The following TRPC4 variants were observed in gnomAD, a reference collection of about 807,000 sequenced individuals.
TRPC4 encodes the protein short transient receptor potential channel 4.
TRPC4 carries 49 observed loss-of-function variants against 99.4 expected under a neutral mutation model. The observed-to-expected ratio is 0.49, with a 90% CI of 0.39 to 0.63. TRPC4 has a LOEUF of 0.63. Among genes scored for constraint, TRPC4 ranks in the 20% least tolerant of loss-of-function variants. The probability of loss-of-function intolerance (pLI) is 0.00; values close to 1 mark genes in which losing one functional copy is unlikely to be tolerated. For synonymous variants in TRPC4, 454 were observed against 425.9 expected (o/e 1.07, Z -0.81); for missense variants, 898 against 1,152.9 (o/e 0.78, Z 3.20).
chr13:37,804,981 G>C (rs1957495001), intron 1 of TRPC4, among the ~76,000 whole-genome samples: 1 of 152,006 alleles, frequency 6.6e-6, no homozygotes, highest in Non-Finnish European at 1.5e-5. Context: ...AAATTGCCAT[G>C]ATATTCTCAA....
intron 1 of TRPC4, among the ~76,000 whole-genome samples, chr13:37,785,946 T>C (rs1956959373): frequency 6.6e-6 from 1 of 151,614 alleles, no homozygotes; most frequent in Non-Finnish European, 1.5e-5. Flanking sequence ...TTAAAAAGAG[T>C]TACACTACAC....
rs552426895 is a variant in TRPC4 at position 37,790,756 on chromosome 13, C to A, written c.-27-7396G>T. Among the ~76,000 whole-genome samples, 5 of 152,222 alleles carry A rather than the reference C, an allele frequency of 3.3e-5. No individual in the cohort carries two copies. In the South Asian group the frequency reaches 1.0e-3, roughly 32 times the overall value. On this transcript the variant is annotated intron_variant, in intron 1 of 10. Coordinates refer to ENST00000379705, the MANE Select transcript of TRPC4 (RefSeq NM_016179.4). ...AAAACTCGGTATATTATCCTCCCCC[C>A]TTTGGTGACATGGTAAAATTCAGTC...
rs373897177 is a variant in TRPC4, at chr13:37,659,372, C to T, written c.1688+4044G>A. On this transcript the variant is annotated intron_variant, in intron 6 of 10. Coordinates refer to ENST00000379705, the MANE Select transcript of TRPC4 (RefSeq NM_016179.4). Reference sequence around the variant, plus strand: ...ACTCTTTTGCCATGAATGGAAGCTTCCTGAGGCCCTCACCAGAAGCAGATG... The same window carrying T: ...ACTCTTTTGCCATGAATGGAAGCTTTCTGAGGCCCTCACCAGAAGCAGATG... 1.3e-5 allele frequency among the ~76,000 whole-genome samples: 2 copies of T among 152,258 alleles called. 1 individual carries two copies. Among genetic ancestry groups the T allele is most frequent in the East Asian group, 3.9e-4 (2 of 5,168 alleles).
At position 37,663,482 on chromosome 13, in the gene TRPC4, T is replaced by C. The variant is rs764362223; in HGVS notation, c.1622A>G (p.Tyr541Cys). 6.2e-7 allele frequency: 1 copy of C among 1,614,194 alleles called. No homozygotes were observed. Among genetic ancestry groups the C allele is most frequent in the South Asian group, 1.1e-5 (1 of 91,086 alleles). The change falls in exon 6 of 11, where the codon TAT becomes TGT. Residue 541 changes from tyrosine to cysteine, a missense_variant. Transcript: ENST00000379705. ...ANGLNQLYFY[Y>C]EETKGLTCKG... Reference sequence around the variant, plus strand: ...GCAGGTTAACCCTTTCGTTTCTTCATAATAGAAGTACAATTGATTTAGGCC... The same window carrying C: ...GCAGGTTAACCCTTTCGTTTCTTCACAATAGAAGTACAATTGATTTAGGCC...
At chr13:37,766,341 G>A (rs576231833) in intron 2 of TRPC4, among the ~76,000 whole-genome samples, 4 of 151,450 alleles carry the variant, frequency 2.6e-5, no homozygotes, top group African/African-American at 9.7e-5. Flanking sequence ...TAGAGAATGA[G>A]GCCTCAGCAA....
At chr13:37,829,090 G>T (rs150320974) in intron 1 of TRPC4, among the ~76,000 whole-genome samples, 1 of 152,058 alleles carries the variant, frequency 6.6e-6, no homozygotes, top group Non-Finnish European at 1.5e-5. Flanking sequence ...TAAATCACAA[G>T]CAACCAAAGA....
intron 3 of TRPC4, among the ~76,000 whole-genome samples, chr13:37,718,587 A>G (rs891958853): frequency 2.6e-5 from 4 of 152,134 alleles, no homozygotes; most frequent in Admixed American, 6.6e-5. Context: ...AGAAATTATA[A>G]AACAGCAAAG....
At chr13:37,772,330 G>A (rs911796360) in intron 2 of TRPC4, among the ~76,000 whole-genome samples, 2 of 151,628 alleles carry the variant, frequency 1.3e-5, no homozygotes, top group Non-Finnish European at 2.9e-5. Flanking sequence ...AGAGTTGGGG[G>A]AAAGCATGCC....
chr13:37,712,605 T>C (rs1376014984), intron 3 of TRPC4, among the ~76,000 whole-genome samples: 2 of 152,196 alleles, frequency 1.3e-5, no homozygotes, highest in African/African-American at 4.8e-5. Context: ...GAAATCAGAT[T>C]ACTTTGCCCC....
chr13:37,836,087 G>A lies in TRPC4; in HGVS notation c.-28+33508C>T, dbSNP rs139465402. On this transcript the variant is annotated intron_variant, in intron 1 of 10. Transcript: ENST00000379705. ...TTCATAAAGAGGAGTTCTCCTGCACGAGTTCTCTCTCTTTGCCTGCTGCCA... is the reference window on the plus strand; with the variant it reads ...TTCATAAAGAGGAGTTCTCCTGCACAAGTTCTCTCTCTTTGCCTGCTGCCA... Among the ~76,000 whole-genome samples the A allele has an allele frequency of 1.1e-3, 167 of 152,186 alleles. 1 individual carries two copies. The highest frequency in any genetic ancestry group is 2.1e-3 in the African/African-American group (88 of 41,512).
chr13:37,829,108 G>A (rs1262856280), intron 1 of TRPC4, among the ~76,000 whole-genome samples: 2 of 152,118 alleles, frequency 1.3e-5, no homozygotes, highest in African/African-American at 4.8e-5. Context: ...AGAAAAAATA[G>A]ATAAGCTGGA....
intron 3 of TRPC4, among the ~76,000 whole-genome samples, chr13:37,740,686 C>T (rs1006504954): frequency 2.0e-5 from 3 of 152,170 alleles, no homozygotes; most frequent in African/African-American, 7.2e-5. Flanking sequence ...TCCTTGCTCA[C>T]AGCAGTCTTG....
chr13:37,860,912 A>T (rs974413586), intron 1 of TRPC4, among the ~76,000 whole-genome samples: 1 of 151,516 alleles, frequency 6.6e-6, no homozygotes, highest in South Asian at 2.1e-4. Context: ...TTACTTATGT[A>T]TCTATTTCAT....
intron 1 of TRPC4, among the ~76,000 whole-genome samples, chr13:37,839,633 T>C (rs972103074): frequency 3.3e-5 from 5 of 152,202 alleles, no homozygotes; most frequent in Non-Finnish European, 4.4e-5. Context: ...CACTGTCAGA[T>C]AGATATTCTT....
rs536980226 is a variant in TRPC4, at chr13:37,867,462, T to C, written c.-28+2133A>G. Among the ~76,000 whole-genome samples, 8 of 147,582 alleles carry C rather than the reference T, an allele frequency of 5.4e-5. No individual in the cohort carries two copies. The East Asian group carries it at 1.2e-3, about 22-fold the overall frequency. On this transcript the variant is annotated intron_variant, in intron 1 of 10. Transcript: ENST00000379705. ...AAAAATATACACTTAAAAGTAGTTT[T>C]AATTCAGTGGGGTTAAAATCAGTGC...
chr13:37,862,588 A>G (rs1455322135), intron 1 of TRPC4, among the ~76,000 whole-genome samples: 3 of 151,580 alleles, frequency 2.0e-5, no homozygotes, highest in African/African-American at 7.2e-5. Context: ...TCATTGTAAT[A>G]TAATTTATGT....
intron 2 of TRPC4, among the ~76,000 whole-genome samples, chr13:37,746,825 A>C (rs1322260211): frequency 6.6e-6 from 1 of 152,148 alleles, no homozygotes; most frequent in Non-Finnish European, 1.5e-5. Context: ...CAAAATAATC[A>C]AGAAATACAC....
At chr13:37,752,669 A>C (rs142779590) in intron 2 of TRPC4, among the ~76,000 whole-genome samples, 197 of 151,286 alleles carry the variant, frequency 1.3e-3, no homozygotes, top group African/African-American at 4.6e-3. Flanking sequence ...ACAGCCTTTC[A>C]TTTGTACACA....
chr13:37,679,228 T>C (rs920365502), intron 4 of TRPC4, among the ~76,000 whole-genome samples: 30 of 152,278 alleles, frequency 2.0e-4, no homozygotes, highest in African/African-American at 6.0e-4. Flanking sequence ...GGGCCGTAGT[T>C]TGCTGCCTCC....
Sources: allele counts gnomAD v4.1 joint callset (sites outside exome capture counted in the v4.1 genomes callset), GRCh38; gene constraint gnomAD v4.1.1; transcripts MANE v1.5; gene names NCBI Gene and HGNC (gene_info 2026-07-23, HGNC 2026-07-21).